WDR64: variants seen among roughly 807,000 people sequenced by gnomAD.
WDR64 encodes the protein WD repeat domain 64.
A neutral mutation model predicts 139.3 loss-of-function variants in WDR64; 112 were observed. The ratio of observed to expected loss-of-function variants is 0.80; its 90% confidence interval spans 0.69 to 0.94. The LOEUF (loss-of-function observed/expected upper bound fraction) is 0.94, where lower values mean the gene tolerates loss of function less well. WDR64 is among the 40% of genes least tolerant of loss of function. WDR64 has a pLI of 0.00. For missense variants in WDR64, 1,206 were observed against 1,293.1 expected (o/e 0.93, Z 1.03); for synonymous variants, 444 against 437.7 (o/e 1.01, Z -0.18).
chr1:241,737,044 C>A (rs1266205233), intron 10 of WDR64, among the ~76,000 whole-genome samples: 5 of 152,166 alleles, frequency 3.3e-5, no homozygotes, highest in Admixed American at 2.6e-4. Context: ...CTTGAATCCA[C>A]TTTTGTGTCT....
chr1:241,690,897 T>C (rs1213189315), intron 8 of WDR64, among the ~76,000 whole-genome samples: 2 of 152,118 alleles, frequency 1.3e-5, no homozygotes, highest in Non-Finnish European at 2.9e-5. Flanking sequence ...CAAATAATAA[T>C]GACAGCAATG....
chr1:241,721,243 C>T (rs544884269), intron 9 of WDR64, among the ~76,000 whole-genome samples: 2 of 152,182 alleles, frequency 1.3e-5, no homozygotes, highest in South Asian at 2.1e-4. Flanking sequence ...CCGTCAGCTT[C>T]GTTCTTTTTG....
In WDR64 at chr1:241,787,725, C is replaced by T. The variant is rs1659089374; in HGVS notation, c.2706-124C>T. ...CTCCACAGTATTTCATAGAAAGGGTCTTGAACCCAAGTAAAAAAATCCTTG... is the reference window on the plus strand; with the variant it reads ...CTCCACAGTATTTCATAGAAAGGGTTTTGAACCCAAGTAAAAAAATCCTTG... On this transcript the variant is annotated intron_variant, in intron 23 of 27. Transcript: ENST00000437684. 5.2e-6 allele frequency: 4 copies of T among 767,200 alleles called. No homozygotes were observed. In the South Asian group the frequency reaches 9.3e-5, roughly 18 times the overall value. 47.5% of individuals were successfully genotyped at this position (767,200 alleles called of 1,614,324 possible).
intron 2 of WDR64, among the ~76,000 whole-genome samples, chr1:241,665,695 C>A (rs1666002077): frequency 6.6e-6 from 1 of 152,038 alleles, no homozygotes; most frequent in African/African-American, 2.4e-5. Context: ...AATATGACTG[C>A]CTTAAGTTTA....
At chr1:241,735,239 A>G (rs1242106022) in intron 10 of WDR64, among the ~76,000 whole-genome samples, 2 of 152,052 alleles carry the variant, frequency 1.3e-5, no homozygotes, top group East Asian at 1.9e-4. Context: ...GCTCTAGTTC[A>G]TTTGTTTTAA....
chr1:241,694,363 A>G (rs537840437), intron 8 of WDR64, among the ~76,000 whole-genome samples: 2 of 152,296 alleles, frequency 1.3e-5, no homozygotes, highest in South Asian at 4.2e-4. Context: ...TATTGCACTG[A>G]AAGACAAATT....
Position 241,801,460 on chromosome 1 carries a change from TAAG to T in WDR64, c.*248_*250del, listed in dbSNP as rs1328934318. The T allele has an allele frequency of 4.2e-6, 2 of 475,478 alleles. No individual in the cohort carries two copies. The highest frequency in any genetic ancestry group is 6.0e-5 in the East Asian group (2 of 33,478). 29.5% of individuals were successfully genotyped at this position (475,478 alleles called of 1,614,324 possible). On this transcript the variant is annotated 3_prime_UTR_variant, in exon 28 of 28. Coordinates refer to ENST00000437684, the MANE Select transcript of WDR64 (RefSeq NM_001367482.1). Reference sequence around the variant, plus strand: ...TATTTACTGTCAGCAAACTGACACATAAGAAAACAAATGAAATCAACAGCATTA... The same window carrying T: ...TATTTACTGTCAGCAAACTGACACATAAAACAAATGAAATCAACAGCATTA...
chr1:241,734,685 C>T (rs187367536), intron 10 of WDR64, among the ~76,000 whole-genome samples: 8 of 152,046 alleles, frequency 5.3e-5, no homozygotes, highest in African/African-American at 7.2e-5. Context: ...GTTCTTCCCC[C>T]GAGAGTTATA....
At chr1:241,658,063 C>G (rs987490774) in intron 1 of WDR64, among the ~76,000 whole-genome samples, 5 of 152,190 alleles carry the variant, frequency 3.3e-5, no homozygotes, top group African/African-American at 9.7e-5. Context: ...AATATAAGCT[C>G]CCTGAGGGCA....
intron 15 of WDR64, among the ~76,000 whole-genome samples, chr1:241,763,125 T>C (rs888180967): frequency 1.3e-5 from 2 of 152,134 alleles, no homozygotes; most frequent in African/African-American, 2.4e-5. Flanking sequence ...ATGTATTTGA[T>C]ATATGAAATC....
At position 241,766,184 on chromosome 1, in the gene WDR64, A is replaced by G. The variant is rs372224335; in HGVS notation, c.1948-34A>G. On this transcript the variant is annotated intron_variant, in intron 15 of 27. Coordinates refer to ENST00000437684, the MANE Select transcript of WDR64 (RefSeq NM_001367482.1). ...GTTTGCACCGCGAATCATGAATACT[A>G]TATTTATGGTGTTCTGTTTCCTTCG... The G allele has an allele frequency of 9.9e-6, 16 of 1,608,640 alleles. No individual in the cohort carries two copies. The African/African-American group carries it at 1.3e-4, about 13-fold the overall frequency.
At chr1:241,755,698 AC>A (rs1318457100) in intron 14 of WDR64, among the ~76,000 whole-genome samples, 21 of 152,328 alleles carry the variant, frequency 1.4e-4, no homozygotes, top group African/African-American at 4.6e-4. Context: ...TTTAGGTCTT[AC>A]ATTTAAGTCT....
rs762555975 is a variant in WDR64, at chr1:241,775,221, A to G, written c.2536+11A>G. ...TGGCTGGAAATGTGGGTGAGTCATT[A>G]CTCTTAGACATTCAGTGACAGGTGT... On this transcript the variant is annotated intron_variant, in intron 21 of 27. Transcript: ENST00000437684. 1 of 1,542,278 alleles carries G rather than the reference A, an allele frequency of 6.5e-7. No homozygotes were observed. The highest frequency in any genetic ancestry group is 8.8e-7 in the Non-Finnish European group (1 of 1,142,586).
At chr1:241,652,758 C>A in intron 1 of WDR64, 129 bp downstream of exon 1, 1 of 1,100,474 alleles carries the variant, frequency 9.1e-7, no homozygotes, top group Non-Finnish European at 1.3e-6. Context: ...ATGAAGACCT[C>A]AGTTCTTGTT....
intron 1 of WDR64, among the ~76,000 whole-genome samples, chr1:241,658,607 C>G (rs1665700151): frequency 6.7e-6 from 1 of 149,000 alleles, no homozygotes; most frequent in Non-Finnish European, 1.5e-5. Flanking sequence ...CCACTGCACT[C>G]CAGCCTGAGT....
chr1:241,757,425 TGATA>T lies in WDR64; in HGVS notation c.1915_1918del (p.Ile639LeufsTer19), dbSNP rs1670240528. The T allele has an allele frequency of 6.2e-7, 1 of 1,613,400 alleles. No individual in the cohort carries two copies. Among genetic ancestry groups the T allele is most frequent in the Non-Finnish European group, 8.5e-7 (1 of 1,179,744 alleles). ...GCTATTCCTTTCCCAGATGTCGAGT[TGATA>T]GTTGAGAGGAACTTTTCTCAACCTA... On this transcript the variant is annotated frameshift_variant, in exon 15 of 28. Transcript: ENST00000437684. LOFTEE classifies it high-confidence loss of function.
chr1:241,671,338 A>G (rs1666221184), intron 3 of WDR64, among the ~76,000 whole-genome samples, 162 bp downstream of exon 3: 1 of 152,168 alleles, frequency 6.6e-6, no homozygotes, highest in Admixed American at 6.5e-5. Flanking sequence ...GCAGTATCAG[A>G]AGAAACTCTA....
intron 20 of WDR64, among the ~76,000 whole-genome samples, chr1:241,774,003 T>C (rs560335451): frequency 6.6e-6 from 1 of 152,308 alleles, no homozygotes; most frequent in East Asian, 1.9e-4. Flanking sequence ...TCTTCAATAT[T>C]TCACAAAGAA....
At chr1:241,799,218 AAAAAAT>A (rs1307005179) in intron 27 of WDR64, among the ~76,000 whole-genome samples, 1 of 132,764 alleles carries the variant, frequency 7.5e-6, no homozygotes, top group Non-Finnish European at 1.7e-5. Flanking sequence ...AAAAAAAAAA[AAAAAAT>A]ACAAAAATTA....
Sources: allele counts gnomAD v4.1 joint callset (sites outside exome capture counted in the v4.1 genomes callset), GRCh38; gene constraint gnomAD v4.1.1; transcripts MANE v1.5; gene names NCBI Gene and HGNC (gene_info 2026-07-23, HGNC 2026-07-21).